SLC28A1: variants seen among roughly 807,000 people sequenced by gnomAD.
SLC28A1 encodes sodium/nucleoside cotransporter 1.
A neutral mutation model predicts 74.8 loss-of-function variants in SLC28A1; 64 were observed. The ratio of observed to expected loss-of-function variants is 0.86; its 90% confidence interval spans 0.70 to 1.05. SLC28A1 has a LOEUF of 1.05. Ranked by LOEUF, SLC28A1 falls within the 50% of genes least tolerant of loss-of-function variation. The pLI is 0.00. For missense variants in SLC28A1, 828 were observed against 822.8 expected (o/e 1.01, Z -0.08); for synonymous variants, 359 against 335.0 (o/e 1.07, Z -0.78).
At chr15:84,946,084 T>TTATATA (rs1567196223), downstream of SLC28A1, among the ~76,000 whole-genome samples, 445 of 27,506 alleles carry the variant, frequency 0.016, 48 homozygotes, top group East Asian at 0.094. Context: ...GTGTGTATGT[T>TTATATA]CATATATATA....
At chr15:84,910,359 C>T (rs1001280422) in intron 9 of SLC28A1, among the ~76,000 whole-genome samples, 7 of 152,212 alleles carry the variant, frequency 4.6e-5, no homozygotes, top group African/African-American at 1.4e-4. Context: ...TCAGAAAAGA[C>T]AAGTAAGGTC....
intron 2 of SLC28A1, chr15:84,887,465 C>T (rs866933496): frequency 4.4e-5 from 43 of 978,208 alleles, no homozygotes; most frequent in Non-Finnish European, 2.3e-5. Context: ...GGGAGGACTG[C>T]TTGAGCCCAG....
chr15:84,908,397 T>A (rs1967588385), intron 8 of SLC28A1, among the ~76,000 whole-genome samples: 1 of 152,068 alleles, frequency 6.6e-6, no homozygotes, highest in Non-Finnish European at 1.5e-5. Context: ...TTTGCCAAGC[T>A]GGTTTCGAAC....
intron 11 of SLC28A1, among the ~76,000 whole-genome samples, 182 bp from the exon 12 acceptor site, chr15:84,923,803 T>A (rs1434210578): frequency 6.6e-6 from 1 of 151,438 alleles, no homozygotes; most frequent in Non-Finnish European, 1.5e-5. Flanking sequence ...GGGATGGGGG[T>A]CCTTCTGTAG....
At chr15:84,910,019 T>C (rs1165990410) in intron 9 of SLC28A1, among the ~76,000 whole-genome samples, 1 of 152,218 alleles carries the variant, frequency 6.6e-6, no homozygotes, top group Non-Finnish European at 1.5e-5. Context: ...CAGACCCTCC[T>C]GCCTACCCCT....
At chr15:84,903,281 T>A (rs990334774) in intron 6 of SLC28A1, among the ~76,000 whole-genome samples, 2 of 152,216 alleles carry the variant, frequency 1.3e-5, no homozygotes, top group African/African-American at 2.4e-5. Context: ...GCTTCCAGAG[T>A]GCCTGGGTTG....
In SLC28A1 at chr15:84,944,774, G is replaced by C. The variant is rs970673161; in HGVS notation, c.1781G>C (p.Arg594Thr). 1 of 1,613,104 alleles carries C rather than the reference G, an allele frequency of 6.2e-7. No homozygotes were observed. The highest frequency in any genetic ancestry group is 1.3e-5 in the African/African-American group (1 of 74,890). The change falls in exon 18 of 19, where the codon AGG (arginine) becomes ACG (threonine). Residue 594 changes from arginine (R) to threonine (T), a missense_variant. By Grantham distance (71) the Arg-to-Thr change is moderately conservative (BLOSUM62 -1). Around this residue, in one of 3 missense-constraint regions of SLC28A1, gnomAD observed 767 missense variants for 753.5 expected, o/e 1.02. Transcript: ENST00000394573. ...TCTACAGGGATCCTCTACATGCCCA[G>C]GGGGGCTGAAGTTGACTGCATGTCC... is the stretch of plus-strand genomic sequence containing the variant. ...ACMAGILYMP[R>T]GAEVDCMSLL...
chr15:84,957,489 A>G, the SLC28A1 span, among the ~76,000 whole-genome samples: 1 of 151,150 alleles, frequency 6.6e-6, no homozygotes, highest in Non-Finnish European at 1.5e-5. Context: ...CTGGTCTCAA[A>G]CTCCTGGCCT....
intron 12 of SLC28A1, among the ~76,000 whole-genome samples, chr15:84,927,215 G>A (rs956246569): frequency 1.3e-5 from 2 of 152,084 alleles, no homozygotes; most frequent in African/African-American, 4.8e-5. Context: ...GGAGGCCAAG[G>A]GAAAATTTCC....
intron 13 of SLC28A1, among the ~76,000 whole-genome samples, chr15:84,934,651 C>T (rs191719656): frequency 6.6e-6 from 1 of 152,156 alleles, no homozygotes; most frequent in Non-Finnish European, 1.5e-5. Context: ...ATTTTAATAA[C>T]CGATTTTACT....
intron 12 of SLC28A1, among the ~76,000 whole-genome samples, chr15:84,931,112 G>T (rs558837022): frequency 6.6e-6 from 1 of 151,684 alleles, no homozygotes; most frequent in South Asian, 2.1e-4. Flanking sequence ...CACCATGTTG[G>T]CTAGGCTGGT....
chr15:84,890,618 C>A, intron 5 of SLC28A1, 84 bp downstream of exon 5: 1 of 1,104,270 alleles, frequency 9.1e-7, no homozygotes, highest in Non-Finnish European at 1.3e-6. Flanking sequence ...ATTCACTCAC[C>A]CAGTCATTCA....
At chr15:84,888,080 C>G (rs541348779) in intron 3 of SLC28A1, among the ~76,000 whole-genome samples, 1 of 152,298 alleles carries the variant, frequency 6.6e-6, no homozygotes, top group Admixed American at 6.5e-5. Context: ...TGAGCACGTA[C>G]TGTGTGCACT....
the SLC28A1 span, among the ~76,000 whole-genome samples, chr15:84,960,473 G>C: frequency 1.3e-5 from 2 of 151,960 alleles, no homozygotes; most frequent in South Asian, 2.1e-4. Flanking sequence ...GCCCAGGCTG[G>C]CCTCGAACCC....
intron 3 of SLC28A1, among the ~76,000 whole-genome samples, chr15:84,888,219 C>A (rs1964835876): frequency 6.6e-6 from 1 of 152,094 alleles, no homozygotes; most frequent in Non-Finnish European, 1.5e-5. Flanking sequence ...GAAATCTCAG[C>A]CTTCAAGGAG....
intron 5 of SLC28A1, among the ~76,000 whole-genome samples, chr15:84,893,601 T>C (rs565806433): frequency 1.2e-4 from 19 of 152,298 alleles, no homozygotes; most frequent in South Asian, 4.1e-4. Context: ...ACTCCTCAAG[T>C]GTCTCCTGAC....
chr15:84,927,564 C>T (rs1453275283), intron 12 of SLC28A1, among the ~76,000 whole-genome samples: 1 of 152,142 alleles, frequency 6.6e-6, no homozygotes, highest in Non-Finnish European at 1.5e-5. Context: ...TTATGACCTA[C>T]ACTCAAACAA....
chr15:84,944,464 A>C, intron 16 of SLC28A1, 102 bp from the exon 17 acceptor site: 1 of 782,512 alleles, frequency 1.3e-6, no homozygotes. Context: ...GCCATCTATT[A>C]ATAGAAGAGG....
At chr15:84,916,063 A>G (rs936896189) in intron 9 of SLC28A1, among the ~76,000 whole-genome samples, 2 of 151,502 alleles carry the variant, frequency 1.3e-5, no homozygotes, top group Non-Finnish European at 2.9e-5. Flanking sequence ...CCCGGGTTCA[A>G]GCGATTCTCA....
Sources: gnomAD v4.1 joint callset for allele counts (sites outside exome capture counted in the v4.1 genomes callset) on GRCh38, gnomAD v4.1.1 for gene constraint, gnomAD v4.1.1 regional missense constraint, MANE v1.5 for transcripts, NCBI Gene and HGNC (gene_info 2026-07-23, HGNC 2026-07-21) for gene names.